JAZF1: variants seen among roughly 807,000 people sequenced by gnomAD.
The protein encoded by JAZF1 is JAZF zinc finger 1, also known as juxtaposed with another zinc finger protein 1.
JAZF1 carries 8 observed loss-of-function variants against 26.4 expected under a neutral mutation model. The ratio of observed to expected loss-of-function variants is 0.30; its 90% CI spans 0.18 to 0.55. The LOEUF (loss-of-function observed/expected upper bound fraction) is 0.55. JAZF1 is among the 20% of genes least tolerant of loss of function. The pLI is 0.94. For missense variants in JAZF1, 199 were observed against 322.0 expected (o/e 0.62, Z 2.92); for synonymous variants, 126 against 122.3 (o/e 1.03, Z -0.20).
intron 1 of JAZF1, among the ~76,000 whole-genome samples, chr7:28,032,917 C>G (rs896786656): frequency 3.9e-5 from 6 of 152,128 alleles, no homozygotes; most frequent in African/African-American, 1.4e-4. Context: ...ACTGCAGCTC[C>G]AGCAACTCCC....
intron 3 of JAZF1, among the ~76,000 whole-genome samples, chr7:27,878,796 T>C (rs720437): frequency 0.81 from 123,915 of 152,162 alleles, 50,813 homozygotes; most frequent in African/African-American, 0.88. Context: ...CCTCTTTGAC[T>C]ATCATTTTAA....
intron 3 of JAZF1, among the ~76,000 whole-genome samples, chr7:27,892,598 A>G (rs1783991099): frequency 6.6e-6 from 1 of 152,224 alleles, no homozygotes; most frequent in South Asian, 2.1e-4. Flanking sequence ...ATTATATGTG[A>G]ATAAGTATCA....
At chr7:27,906,829 T>C (rs1220528040) in intron 2 of JAZF1, among the ~76,000 whole-genome samples, 1 of 152,228 alleles carries the variant, frequency 6.6e-6, no homozygotes, top group Non-Finnish European at 1.5e-5. Flanking sequence ...TACACATGGT[T>C]TTCATTGCTA....
intron 3 of JAZF1, among the ~76,000 whole-genome samples, chr7:27,848,967 G>A (rs1031102847): frequency 6.6e-6 from 1 of 152,176 alleles, no homozygotes; most frequent in African/African-American, 2.4e-5. Context: ...CCTAGGAGAG[G>A]TGCTTTCCAC....
At chr7:28,055,382 A>C (rs1783687125) in intron 1 of JAZF1, among the ~76,000 whole-genome samples, 1 of 152,060 alleles carries the variant, frequency 6.6e-6, no homozygotes, top group Non-Finnish European at 1.5e-5. Flanking sequence ...AGGGTTAGCC[A>C]CATGCCCTGG....
intron 1 of JAZF1, among the ~76,000 whole-genome samples, chr7:28,138,802 G>C (rs999626709): frequency 1.3e-5 from 2 of 152,102 alleles, no homozygotes; most frequent in African/African-American, 2.4e-5. Context: ...CCTGGGCTCG[G>C]GCCCCAGACT....
intron 2 of JAZF1, among the ~76,000 whole-genome samples, chr7:27,936,852 T>C (rs546196610): frequency 5.9e-5 from 9 of 152,340 alleles, no homozygotes; most frequent in Non-Finnish European, 1.2e-4. Flanking sequence ...ATGAGCTCCA[T>C]GCTCCAGCTA....
intron 2 of JAZF1, among the ~76,000 whole-genome samples, chr7:27,911,061 T>C (rs953361431): frequency 2.6e-5 from 4 of 152,204 alleles, no homozygotes; most frequent in African/African-American, 9.7e-5. Context: ...ATATTAACCA[T>C]GATGCACAGA....
intron 1 of JAZF1, among the ~76,000 whole-genome samples, chr7:28,130,122 TA>T (rs1782766628): frequency 6.6e-6 from 1 of 152,240 alleles, no homozygotes; most frequent in South Asian, 2.1e-4. Flanking sequence ...AGGCAGAGTT[TA>T]TTAGTAATCT....
At chr7:27,877,672 C>A (rs1583443651) in intron 3 of JAZF1, among the ~76,000 whole-genome samples, 1 of 152,164 alleles carries the variant, frequency 6.6e-6, no homozygotes. Context: ...AATGCAAAAC[C>A]CATTCTGGCA....
intron 1 of JAZF1, among the ~76,000 whole-genome samples, chr7:28,168,685 A>G (rs1213240397): frequency 6.6e-6 from 1 of 152,222 alleles, no homozygotes; most frequent in Admixed American, 6.5e-5. Context: ...CTCTAACTAC[A>G]TAGCTGAGAC....
intron 1 of JAZF1, among the ~76,000 whole-genome samples, chr7:28,146,143 C>G (rs1234018904): frequency 6.6e-6 from 1 of 152,178 alleles, no homozygotes; most frequent in Non-Finnish European, 1.5e-5. Flanking sequence ...TAGCACCTGT[C>G]AGGAGGGTCA....
chr7:27,907,500 G>C (rs1042760216), intron 2 of JAZF1, among the ~76,000 whole-genome samples: 2 of 152,136 alleles, frequency 1.3e-5, no homozygotes, highest in African/African-American at 2.4e-5. Flanking sequence ...TCGAAGCCTG[G>C]GATTGGACAT....
At chr7:27,875,284 G>A (rs1783657153) in intron 3 of JAZF1, among the ~76,000 whole-genome samples, 1 of 152,072 alleles carries the variant, frequency 6.6e-6, no homozygotes, top group Non-Finnish European at 1.5e-5. Flanking sequence ...TCCCTGCTCT[G>A]TGATCCTCGT....
intron 1 of JAZF1, among the ~76,000 whole-genome samples, chr7:28,113,965 C>A (rs1784702016): frequency 6.6e-6 from 1 of 152,146 alleles, no homozygotes; most frequent in Non-Finnish European, 1.5e-5. Context: ...GTTTACTTTG[C>A]TAAAGAGAGA....
chr7:27,860,578 T>C (rs888345471), intron 3 of JAZF1, among the ~76,000 whole-genome samples: 3 of 152,322 alleles, frequency 2.0e-5, no homozygotes, highest in African/African-American at 7.2e-5. Flanking sequence ...GCGCTGTACA[T>C]CTATTAGCTC....
intron 1 of JAZF1, among the ~76,000 whole-genome samples, chr7:28,118,718 G>C (rs551197091): frequency 5.3e-5 from 8 of 151,426 alleles, no homozygotes. Flanking sequence ...TGTCATTTGA[G>C]GTTGTAAGAT....
At chr7:28,098,812 C>A (rs962299129) in intron 1 of JAZF1, among the ~76,000 whole-genome samples, 4 of 152,230 alleles carry the variant, frequency 2.6e-5, no homozygotes, top group African/African-American at 9.6e-5. Context: ...CACAACATTT[C>A]ATCTGACCAT....
intron 2 of JAZF1, among the ~76,000 whole-genome samples, chr7:27,960,458 T>C (rs953168346): frequency 2.0e-5 from 3 of 152,322 alleles, no homozygotes; most frequent in African/African-American, 7.2e-5. Flanking sequence ...GAAGGCATTG[T>C]GTAAAAATGT....
Sources: gnomAD v4.1 joint callset for allele counts (sites outside exome capture counted in the v4.1 genomes callset) on GRCh38, gnomAD v4.1.1 for gene constraint, MANE v1.5 for transcripts, NCBI Gene and HGNC (gene_info 2026-07-23, HGNC 2026-07-21) for gene names.